ZPR1: variants seen among roughly 807,000 people sequenced by gnomAD.
The protein encoded by ZPR1 is ZPR1 zinc finger.
A neutral mutation model predicts 59.6 loss-of-function variants in ZPR1; 37 were observed. That is an observed-to-expected ratio of 0.62 (90% CI 0.48 to 0.82). The LOEUF is 0.82. Among genes scored for constraint, ZPR1 ranks in the 40% least tolerant of loss-of-function variants. The pLI is 0.00. For synonymous variants in ZPR1, 191 were observed against 215.2 expected (o/e 0.89, Z 0.99); for missense variants, 527 against 579.9 (o/e 0.91, Z 0.94).
chr11:116,774,022 C>A lies in ZPR1; in HGVS notation c.*4903G>T, dbSNP rs894639693. The A allele has an allele frequency of 6.6e-6, 1 of 152,146 alleles. No individual in the cohort carries two copies. Among genetic ancestry groups the A allele is most frequent in the African/African-American group, 2.4e-5 (1 of 41,432 alleles). 9.4% of individuals were successfully genotyped at this position (152,146 alleles called of 1,614,324 possible). On this transcript the variant is annotated 3_prime_UTR_variant, in exon 14 of 14. Transcript: ENST00000227322. ...GGGGTGCAAGAGGTCATCCAAATTT[C>A]TTGAAATACCAGATCTTTTTACCTC...
intron 2 of ZPR1, 70 bp from the exon 3 acceptor site, chr11:116,787,129 C>T (rs1488967778): frequency 2.2e-6 from 3 of 1,369,130 alleles, no homozygotes; most frequent in Non-Finnish European, 2.1e-6. Context: ...ATAACCAGAC[C>T]GTCCCCTTCC....
intron 1 of ZPR1, 40 bp downstream of exon 1, chr11:116,787,780 C>G: frequency 1.3e-6 from 2 of 1,530,366 alleles, no homozygotes; most frequent in Non-Finnish European, 1.8e-6. Context: ...CCGGCACAAG[C>G]CCTACCCACC....
intron 2 of ZPR1, 59 bp downstream of exon 2, chr11:116,787,423 G>T: frequency 6.4e-7 from 1 of 1,553,734 alleles, no homozygotes; most frequent in South Asian, 1.2e-5. Flanking sequence ...CCAGAGCTCT[G>T]ACCCCAGTAC....
chr11:116,785,823 T>C lies in ZPR1; in HGVS notation c.555A>G (p.Leu185=), dbSNP rs1940878713. The C allele has an allele frequency of 6.2e-7, 1 of 1,614,126 alleles. No individual in the cohort carries two copies. Among genetic ancestry groups the C allele is most frequent in the Non-Finnish European group, 8.5e-7 (1 of 1,180,058 alleles). The change falls in exon 5 of 14, where the codon CTA becomes CTG. Residue 185 remains leucine, a synonymous_variant. Transcript: ENST00000227322. ...GAGTGAAAGGGGAGGCTACTTGCTT[T>C]AGCTCCTTCAGTTTGACAATGAACT... ...IDEFIVKLKE[L]KQVASPFTLI...
At position 116,785,131 on chromosome 11, in the gene ZPR1, C is replaced by G; in HGVS notation, c.721G>C (p.Glu241Gln). 6.2e-7 allele frequency: 1 copy of G among 1,614,088 alleles called. No individual in the cohort carries two copies. The change falls in exon 7 of 14, where the codon GAG (glutamate) becomes CAG (glutamine). Residue 241 changes from glutamate (E) to glutamine (Q), a missense_variant. Transcript: ENST00000227322. ...MLGLQEEAPA[E>Q]KPEEEDLRNE... ...CTGAGATCTTCCTCTTCTGGCTTCT[C>G]TGCTGGTGCTTCTTCCTAAAATAGC...
chr11:116,786,072 C>T (rs10750096), intron 4 of ZPR1, among the ~76,000 whole-genome samples, 190 bp from the exon 5 acceptor site: 1 of 152,134 alleles, frequency 6.6e-6, no homozygotes, highest in South Asian at 2.1e-4. Context: ...GGTGAGCCTC[C>T]TTTTTCTCAC....
At position 116,778,419 on chromosome 11, in the gene ZPR1, G is replaced by A. The variant is rs11823543; in HGVS notation, c.*506C>T. On this transcript the variant is annotated 3_prime_UTR_variant, in exon 14 of 14. Transcript: ENST00000227322. Reference sequence around the variant, plus strand: ...AACAGCATGATATCAAACAAGGATAGGGTCAATACAGAGGCCAGTGCTGTT... The same window carrying A: ...AACAGCATGATATCAAACAAGGATAAGGTCAATACAGAGGCCAGTGCTGTT... The A allele has an allele frequency of 0.11, 16,123 of 152,688 alleles. 1,121 individuals carry two copies. Among genetic ancestry groups the A allele is most frequent in the African/African-American group, 0.19 (8,032 of 41,526 alleles). 9.5% of individuals were successfully genotyped at this position (152,688 alleles called of 1,614,324 possible).
At chr11:116,785,076 C>T (rs769116003) in intron 7 of ZPR1, 23 bp downstream of exon 7, 66 of 1,614,008 alleles carry the variant, frequency 4.1e-5, no homozygotes, top group Middle Eastern at 1.6e-4. Context: ...GCTCCTTCCT[C>T]ACCAGTAGCC....
rs1940830489 is a variant in ZPR1, at chr11:116,782,942, G to A, written c.1069C>T (p.Leu357=). 1 of 1,614,054 alleles carries A rather than the reference G, an allele frequency of 6.2e-7. No homozygotes were observed. Among genetic ancestry groups the A allele is most frequent in the South Asian group, 1.1e-5 (1 of 91,090 alleles). ...LGGKFTTLEG[L]LKDIRELVTK... is the part of the protein sequence containing the mutation. ...ACCAGTTCCCGGATGTCTTTCAGCAGCCCTTCCAGTGTGGTGAACTTGCCC... is the reference window on the plus strand; with the variant it reads ...ACCAGTTCCCGGATGTCTTTCAGCAACCCTTCCAGTGTGGTGAACTTGCCC... Residue 357 remains leucine (L), a synonymous_variant, in exon 11 of 14, where the codon CTG becomes TTG. Transcript: ENST00000227322.
At chr11:116,781,795 G>A (rs941772737) in intron 12 of ZPR1, among the ~76,000 whole-genome samples, 2 of 152,022 alleles carry the variant, frequency 1.3e-5, no homozygotes, top group Non-Finnish European at 2.9e-5. Context: ...GGCAGATCAC[G>A]AGGTCAGGAG....
At position 116,782,952 on chromosome 11, in the gene ZPR1, T is replaced by C. The variant is rs201302842; in HGVS notation, c.1059A>G (p.Thr353=). The stretch of plus-strand genomic sequence containing the variant: ...GGATGTCTTTCAGCAGCCCTTCCAG[T>C]GTGGTGAACTTGCCCCCGAGGACTG... ...GMAVLGGKFT[T]LEGLLKDIRE... The change falls in exon 11 of 14, where the codon ACA becomes ACG. Residue 353 remains threonine, a synonymous_variant. Transcript: ENST00000227322. 1.2e-6 allele frequency: 2 copies of C among 1,614,160 alleles called. No individual in the cohort carries two copies. The highest frequency in any genetic ancestry group is 1.7e-6 in the Non-Finnish European group (2 of 1,180,018).
At chr11:116,781,465 GACTATAGT>G (rs1940803837) in intron 12 of ZPR1, among the ~76,000 whole-genome samples, 1 of 152,226 alleles carries the variant, frequency 6.6e-6, no homozygotes. Flanking sequence ...CAAAGTGGAA[GACTATAGT>G]ACAATGTCTT....
intron 11 of ZPR1, 86 bp from the exon 12 acceptor site, chr11:116,782,330 G>T: frequency 8.3e-7 from 1 of 1,211,900 alleles, no homozygotes; most frequent in Non-Finnish European, 1.2e-6. Flanking sequence ...GGTGACAGTG[G>T]GTGCCCTGTC....
chr11:116,785,446 C>T (rs2134197354), intron 6 of ZPR1, 68 bp downstream of exon 6: 3 of 1,581,966 alleles, frequency 1.9e-6, no homozygotes, highest in Non-Finnish European at 2.6e-6. Flanking sequence ...ATAAGTTCCA[C>T]TGACTCCAAG....
intron 6 of ZPR1, 103 bp from the exon 7 acceptor site, chr11:116,785,249 T>G (rs1940866494): frequency 7.5e-7 from 1 of 1,325,238 alleles, no homozygotes; most frequent in Non-Finnish European, 1.1e-6. Context: ...CCTCATCAGT[T>G]ATGTCAGGTG....
chr11:116,784,498 T>G, intron 8 of ZPR1, 50 bp from the exon 9 acceptor site: 1 of 1,569,600 alleles, frequency 6.4e-7, no homozygotes, highest in Non-Finnish European at 8.8e-7. Flanking sequence ...AAGACCACCA[T>G]CTGGGGAAAA....
chr11:116,787,840 A>C lies in ZPR1; in HGVS notation c.151T>G (p.Cys51Gly), dbSNP rs1488134184. ...CTCACATTGCAGTAACAGTTCATGC[A>C]TAGCGACTCGATCTCGGTGGGCTGC... ...EQQPTEIESL[C>G]MNCYCNGMTR... Residue 51 changes from cysteine (C) to glycine (G), a missense_variant, in exon 1 of 14, where the codon TGC becomes GGC. By Grantham distance (159) the Cys-to-Gly change is radical. Coordinates refer to ENST00000227322, the MANE Select transcript of ZPR1 (RefSeq NM_003904.5). The C allele has an allele frequency of 3.2e-6, 5 of 1,558,338 alleles. No individual in the cohort carries two copies. Among genetic ancestry groups the C allele is most frequent in the Non-Finnish European group, 1.7e-6 (2 of 1,152,788 alleles).
intron 10 of ZPR1, 96 bp from the exon 11 acceptor site, chr11:116,783,125 G>T: frequency 1.1e-6 from 1 of 873,024 alleles, no homozygotes; most frequent in Non-Finnish European, 1.9e-6. Context: ...GATAGACTGC[G>T]GACAAGGGCA....
chr11:116,785,988 G>T, intron 4 of ZPR1, 106 bp from the exon 5 acceptor site: 2 of 975,440 alleles, frequency 2.1e-6, no homozygotes, highest in South Asian at 1.3e-5. Context: ...CTATCTCAGT[G>T]TGAGTGGAAA....
Sources: allele counts gnomAD v4.1 joint callset (sites outside exome capture counted in the v4.1 genomes callset), GRCh38; gene constraint gnomAD v4.1.1; transcripts MANE v1.5; gene names NCBI Gene and HGNC (gene_info 2026-07-23, HGNC 2026-07-21).